DRD2: variants seen among roughly 807,000 people sequenced by gnomAD.
The protein encoded by DRD2 is D(2) dopamine receptor.
A neutral mutation model predicts 38.0 loss-of-function variants in DRD2; 8 were observed. That is an observed-to-expected ratio of 0.21 (90% confidence interval 0.12 to 0.38). The LOEUF (loss-of-function observed/expected upper bound fraction) is 0.38. DRD2 is among the 10% of genes least tolerant of loss of function. The pLI is 1.00. For synonymous variants in DRD2, 230 were observed against 238.6 expected, an observed-to-expected ratio of 0.96 and a Z score of 0.33; for missense variants, 403 against 607.7, an observed-to-expected ratio of 0.66 and a Z score of 3.54.
At position 113,410,621 on chromosome 11, in the gene DRD2, G is replaced by T. The variant is rs202032930; in HGVS notation, c.*106C>A. On this transcript the variant is annotated 3_prime_UTR_variant, in exon 8 of 8. Coordinates refer to ENST00000362072, the MANE Select transcript of DRD2 (RefSeq NM_000795.4). ...ACTGCAGGGCCTGCCGGGGTGAAGA[G>T]GAGGCCGATCCACCCAGGCCTTCCT... The T allele has an allele frequency of 2.8e-6, 4 of 1,428,240 alleles. No homozygotes were observed. In the Admixed American group the frequency reaches 5.0e-5, roughly 18 times the overall value. The allele number at this position is 1,428,240 out of a possible 1,614,324, so 88.5% of individuals were successfully genotyped here.
intron 1 of DRD2, among the ~76,000 whole-genome samples, chr11:113,432,864 G>A (rs562103165): frequency 2.6e-5 from 4 of 152,348 alleles, no homozygotes; most frequent in East Asian, 1.9e-4. Context: ...AAGGTGGTGC[G>A]CCCGTTCCTT....
In DRD2 at chr11:113,424,641, A is replaced by C. The variant is rs755896787; in HGVS notation, c.11T>G (p.Leu4Arg). The C allele has an allele frequency of 9.3e-6, 15 of 1,614,138 alleles. No homozygotes were observed. Among genetic ancestry groups the C allele is most frequent in the Non-Finnish European group, 1.1e-5 (13 of 1,180,036 alleles). MDP[L>R]NLSWYDDDLE... ...ATCATCATCATACCAGGACAGATTCAGTGGATCCATCAGGGCGGTGGAGCC... is the reference window on the plus strand; with the variant it reads ...ATCATCATCATACCAGGACAGATTCCGTGGATCCATCAGGGCGGTGGAGCC... Residue 4 changes from leucine (L) to arginine (R), a missense_variant, in exon 2 of 8, where the codon CTG (leucine) becomes CGG (arginine). Coordinates refer to ENST00000362072, the MANE Select transcript of DRD2 (RefSeq NM_000795.4).
chr11:113,456,837 T>C (rs1951272184), intron 1 of DRD2, among the ~76,000 whole-genome samples: 1 of 152,180 alleles, frequency 6.6e-6, no homozygotes, highest in Non-Finnish European at 1.5e-5. Context: ...ATAACATAAA[T>C]ATTCTTAACA....
intron 2 of DRD2, 69 bp from the exon 3 acceptor site, chr11:113,418,205 A>G: frequency 7.5e-7 from 1 of 1,327,990 alleles, no homozygotes; most frequent in Non-Finnish European, 1.1e-6. Context: ...GTAGCCTGGT[A>G]CTCCTGGAGC....
chr11:113,416,166 A>T (rs1238569812), intron 4 of DRD2, among the ~76,000 whole-genome samples: 1 of 152,124 alleles, frequency 6.6e-6, no homozygotes, highest in Non-Finnish European at 1.5e-5. Flanking sequence ...TGTTATTCCC[A>T]CTTAGAATTC....
chr11:113,418,275 G>T, intron 2 of DRD2, 139 bp from the exon 3 acceptor site: 1 of 723,238 alleles, frequency 1.4e-6, no homozygotes, highest in Non-Finnish European at 2.5e-6. Flanking sequence ...GCTGGGGTGT[G>T]GGGAGTGATG....
intron 1 of DRD2, among the ~76,000 whole-genome samples, chr11:113,446,600 C>G (rs1215868143): frequency 6.6e-6 from 1 of 152,162 alleles, no homozygotes; most frequent in South Asian, 2.1e-4. Flanking sequence ...TCTGTTTCCA[C>G]AGTGGCAATG....
chr11:113,430,913 A>G (rs988297308), intron 1 of DRD2, among the ~76,000 whole-genome samples: 12 of 152,208 alleles, frequency 7.9e-5, no homozygotes, highest in Admixed American at 5.9e-4. Context: ...GGCTAAATAT[A>G]TAACCCAAGG....
At chr11:113,425,650 G>A (rs369036248) in intron 1 of DRD2, among the ~76,000 whole-genome samples, 5 of 152,086 alleles carry the variant, frequency 3.3e-5, no homozygotes, top group African/African-American at 9.7e-5. Context: ...GCTGTAGCAG[G>A]AATCCAGGTA....
At chr11:113,415,039 G>A (rs1311215583) in intron 5 of DRD2, among the ~76,000 whole-genome samples, 8 of 152,122 alleles carry the variant, frequency 5.3e-5, no homozygotes, top group Non-Finnish European at 1.0e-4. Flanking sequence ...TTGGAGGGGA[G>A]GACAGAGAGT....
At chr11:113,455,797 C>T (rs73557283) in intron 1 of DRD2, among the ~76,000 whole-genome samples, 1 of 151,978 alleles carries the variant, frequency 6.6e-6, no homozygotes, top group Non-Finnish European at 1.5e-5. Context: ...CAAATGGTAA[C>T]AAGGATGTAG....
intron 1 of DRD2, among the ~76,000 whole-genome samples, chr11:113,455,626 C>T (rs1951261858): frequency 6.6e-6 from 1 of 152,066 alleles, no homozygotes; most frequent in Admixed American, 6.6e-5. Context: ...GTGCAAAGGA[C>T]CTGAATAGGC....
intron 1 of DRD2, among the ~76,000 whole-genome samples, 178 bp downstream of exon 1, chr11:113,474,898 C>T (rs1048558448): frequency 2.6e-5 from 4 of 152,154 alleles, no homozygotes; most frequent in African/African-American, 9.6e-5. Flanking sequence ...GCTCCAGACG[C>T]CCTCTGCCCC....
intron 1 of DRD2, among the ~76,000 whole-genome samples, chr11:113,454,185 C>A (rs970207544): frequency 6.6e-6 from 1 of 151,998 alleles, no homozygotes; most frequent in African/African-American, 2.4e-5. Flanking sequence ...TTTTGGAGAG[C>A]TAGTTGTTAA....
At chr11:113,467,472 C>T (rs1461110881) in intron 1 of DRD2, among the ~76,000 whole-genome samples, 1 of 152,240 alleles carries the variant, frequency 6.6e-6, no homozygotes, top group Non-Finnish European at 1.5e-5. Context: ...CCAAGAATGA[C>T]TCCAGAAGCT....
At chr11:113,418,766 G>A (rs765818687) in intron 2 of DRD2, among the ~76,000 whole-genome samples, 2 of 152,168 alleles carry the variant, frequency 1.3e-5, no homozygotes, top group Non-Finnish European at 2.9e-5. Context: ...CTGCCAGGAT[G>A]TTGAGACTAG....
intron 1 of DRD2, among the ~76,000 whole-genome samples, chr11:113,462,601 T>C (rs1367663237): frequency 6.6e-6 from 1 of 152,176 alleles, no homozygotes; most frequent in African/African-American, 2.4e-5. Context: ...AGAGGAAGCA[T>C]GGCCATGCAG....
intron 1 of DRD2, among the ~76,000 whole-genome samples, chr11:113,457,974 T>C (rs909489561): frequency 1.3e-5 from 2 of 152,256 alleles, no homozygotes; most frequent in African/African-American, 4.8e-5. Context: ...CAGCCTGGGC[T>C]GGGGAGGGGC....
intron 1 of DRD2, among the ~76,000 whole-genome samples, chr11:113,439,992 C>A (rs1230297333): frequency 1.3e-5 from 2 of 151,940 alleles, no homozygotes; most frequent in East Asian, 3.9e-4. Flanking sequence ...TCCTACAGGG[C>A]TCTCTGACTC....
Sources: gnomAD v4.1 joint callset for allele counts (sites outside exome capture counted in the v4.1 genomes callset) on GRCh38, gnomAD v4.1.1 for gene constraint, MANE v1.5 for transcripts, NCBI Gene and HGNC (gene_info 2026-07-23, HGNC 2026-07-21) for gene names.